The following SPAG9 variants were observed in gnomAD, a reference collection of about 807,000 sequenced individuals.
The protein encoded by SPAG9 is sperm associated antigen 9.
Under a neutral mutation model 166.5 loss-of-function variants are expected in SPAG9, and 35 were observed. The ratio of observed to expected loss-of-function variants is 0.21; its 90% CI spans 0.16 to 0.28. SPAG9 has a LOEUF of 0.28. Among genes scored for constraint, SPAG9 ranks in the 10% least tolerant of loss-of-function variants. The pLI, the probability that SPAG9 is intolerant of heterozygous loss-of-function variation, is 1.00. For synonymous variants in SPAG9, 534 were observed against 565.5 expected, an observed-to-expected ratio of 0.94 and a Z score of 0.79; for missense variants, 1,235 against 1,603.3, an observed-to-expected ratio of 0.77 and a Z score of 3.92.
In SPAG9 at chr17:50,964,543, G is replaced by A. The variant is rs182393565; in HGVS notation, c.*1729C>T. ...GTGGAGGTTGCAGTGAGCTGAGATC[G>A]CACCACTGCATTCCAGCCTGGGCAA... On this transcript the variant is annotated 3_prime_UTR_variant, in exon 30 of 30. Transcript: ENST00000262013. The A allele has an allele frequency of 5.5e-5, 11 of 200,294 alleles. No homozygotes were observed. In the East Asian group the frequency reaches 1.1e-3, roughly 20 times the overall value. 12.4% of individuals were successfully genotyped at this position (200,294 alleles called of 1,614,324 possible).
chr17:51,109,275 C>A (rs746391548), intron 1 of SPAG9, among the ~76,000 whole-genome samples: 1 of 150,826 alleles, frequency 6.6e-6, no homozygotes, highest in Non-Finnish European at 1.5e-5. Context: ...CTTGCTCTGT[C>A]GCCTAGGCTG....
chr17:51,025,867 A>C (rs1466815845), intron 6 of SPAG9, among the ~76,000 whole-genome samples: 1 of 152,178 alleles, frequency 6.6e-6, no homozygotes, highest in Non-Finnish European at 1.5e-5. Context: ...TATCATGTAC[A>C]TGAATTCTCA....
At chr17:51,000,389 C>G (rs1454679682) in intron 13 of SPAG9, among the ~76,000 whole-genome samples, 1 of 152,130 alleles carries the variant, frequency 6.6e-6, no homozygotes, top group Admixed American at 6.5e-5. Flanking sequence ...GCTACTATTT[C>G]CTTTAATTTG....
intron 5 of SPAG9, among the ~76,000 whole-genome samples, chr17:51,039,702 T>C (rs915609192): frequency 5.9e-5 from 9 of 152,240 alleles, no homozygotes. Flanking sequence ...AGTTCTGGCA[T>C]AGCCTATCAG....
rs1486886866 is a variant in SPAG9, at chr17:50,962,894, C to T, written c.*3378G>A. 6.6e-6 allele frequency: 1 copy of T among 152,160 alleles called. No individual in the cohort carries two copies. The highest frequency in any genetic ancestry group is 1.5e-5 in the Non-Finnish European group (1 of 68,034). 9.4% of individuals were successfully genotyped at this position (152,160 alleles called of 1,614,324 possible). A position where few individuals can be genotyped will look rare whatever the true frequency, so the allele number is the denominator to read the frequency against. ...ACACAATCTGAAAAGTTATGTGCTG[C>T]ATATTGTGCTCAAAATGTTTTATAC... On this transcript the variant is annotated 3_prime_UTR_variant, in exon 30 of 30. Transcript: ENST00000262013.
At chr17:51,084,799 G>C (rs2048263027) in intron 1 of SPAG9, among the ~76,000 whole-genome samples, 1 of 152,028 alleles carries the variant, frequency 6.6e-6, no homozygotes, top group South Asian at 2.1e-4. Flanking sequence ...TAACACTTAA[G>C]ATGCTGTGCT....
At position 51,041,665 on chromosome 17, in the gene SPAG9, G is replaced by A; in HGVS notation, c.591-14C>T. 6.2e-7 allele frequency: 1 copy of A among 1,608,176 alleles called. No individual in the cohort carries two copies. The highest frequency in any genetic ancestry group is 8.5e-7 in the Non-Finnish European group (1 of 1,177,844). ...GGGCGTTCTTTTCTATTTGAAGAGG[G>A]GAGAAAAAATTCGGCATTCATTTAT... On this transcript the variant is annotated splice_polypyrimidine_tract_variant and intron_variant, in intron 4 of 29. Transcript: ENST00000262013.
At position 51,041,781 on chromosome 17, in the gene SPAG9, C is replaced by G. The variant is rs1298819530; in HGVS notation, c.591-130G>C. 1.2e-5 allele frequency: 10 copies of G among 803,030 alleles called. No individual in the cohort carries two copies. The South Asian group carries it at 1.6e-4, about 13-fold the overall frequency. 49.7% of individuals were successfully genotyped at this position (803,030 alleles called of 1,614,324 possible). ...CTCAAAAATGACACTGTCTGCCCATCTGAATAAAACAGACTTACCAAAGAG... is the reference window on the plus strand; with the variant it reads ...CTCAAAAATGACACTGTCTGCCCATGTGAATAAAACAGACTTACCAAAGAG... On this transcript the variant is annotated intron_variant, in intron 4 of 29. Transcript: ENST00000262013.
intron 6 of SPAG9, among the ~76,000 whole-genome samples, chr17:51,030,737 G>A (rs1225288475): frequency 6.6e-6 from 1 of 152,122 alleles, no homozygotes; most frequent in East Asian, 1.9e-4. Flanking sequence ...ATTATTAAAG[G>A]AAAGGTATGA....
chr17:50,984,736 C>T (rs1289210034), intron 24 of SPAG9, among the ~76,000 whole-genome samples, 187 bp downstream of exon 24: 2 of 152,186 alleles, frequency 1.3e-5, no homozygotes, highest in African/African-American at 4.8e-5. Context: ...GTGGTAAACA[C>T]ATTTTCCCTA....
chr17:51,106,162 G>A (rs1202853495), intron 1 of SPAG9, among the ~76,000 whole-genome samples: 1 of 135,722 alleles, frequency 7.4e-6, no homozygotes, highest in Non-Finnish European at 1.6e-5. Context: ...CACTAGCTGG[G>A]CATGATGGCA....
At chr17:50,972,295 AG>A (rs1973883462) in intron 28 of SPAG9, among the ~76,000 whole-genome samples, 1 of 152,274 alleles carries the variant, frequency 6.6e-6, no homozygotes, top group African/African-American at 2.4e-5. Context: ...TAAGAGACTG[AG>A]AAAAGTCTTC....
At chr17:51,100,550 CAT>C (rs950522839) in intron 1 of SPAG9, among the ~76,000 whole-genome samples, 3 of 152,170 alleles carry the variant, frequency 2.0e-5, no homozygotes, top group Middle Eastern at 3.4e-3. Context: ...GGAAGGATCA[CAT>C]GAGACTGAAG....
intron 2 of SPAG9, among the ~76,000 whole-genome samples, chr17:51,072,850 A>T (rs1256651805): frequency 6.6e-6 from 1 of 152,196 alleles, no homozygotes; most frequent in Non-Finnish European, 1.5e-5. Context: ...TAGTATAGGG[A>T]ACTAATGATA....
intron 19 of SPAG9, among the ~76,000 whole-genome samples, chr17:50,992,666 TG>T (rs1365647101): frequency 6.6e-6 from 1 of 151,744 alleles, no homozygotes; most frequent in Non-Finnish European, 1.5e-5. Flanking sequence ...GGCAACAGAG[TG>T]AGGCCCTGTC....
chr17:51,030,294 T>C (rs1387536971), intron 6 of SPAG9, among the ~76,000 whole-genome samples: 1 of 152,152 alleles, frequency 6.6e-6, no homozygotes, highest in Non-Finnish European at 1.5e-5. Flanking sequence ...CATGCCAATG[T>C]AGTGTTTTCC....
At chr17:51,076,158 A>T (rs926005705) in intron 2 of SPAG9, among the ~76,000 whole-genome samples, 1 of 152,186 alleles carries the variant, frequency 6.6e-6, no homozygotes, top group Non-Finnish European at 1.5e-5. Flanking sequence ...AAGGTGGCTC[A>T]TGCCTGTAAT....
At chr17:51,096,054 G>GATATATATATAGTGAT (rs2048638398) in intron 1 of SPAG9, among the ~76,000 whole-genome samples, 5 of 135,622 alleles carry the variant, frequency 3.7e-5, no homozygotes, top group African/African-American at 1.4e-4. Context: ...TATATATAGT[G>GATATATATATAGTGAT]ATATATATAT....
In SPAG9 at chr17:50,988,600, G is replaced by A. The variant is rs558540207; in HGVS notation, c.2813+1077C>T. Among the ~76,000 whole-genome samples the A allele has an allele frequency of 5.3e-5, 8 of 152,226 alleles. No individual in the cohort carries two copies. The East Asian group carries it at 1.4e-3, about 26-fold the overall frequency. ...CAGAGTCTTGTTCTGTTTCCCAGGC[G>A]GCAGTGCAGTGGTGATATCATGGCC... is the stretch of plus-strand genomic sequence containing the variant. On this transcript the variant is annotated intron_variant, in intron 21 of 29. Coordinates refer to ENST00000262013, the MANE Select transcript of SPAG9 (RefSeq NM_001130528.3).
Sources: gnomAD v4.1 joint callset for allele counts (sites outside exome capture counted in the v4.1 genomes callset) on GRCh38, gnomAD v4.1.1 for gene constraint, MANE v1.5 for transcripts, NCBI Gene and HGNC (gene_info 2026-07-23, HGNC 2026-07-21) for gene names.